Variants in SETDB1 observed in about 807,000 individuals in gnomAD.
SETDB1 encodes the protein SET domain bifurcated histone lysine methyltransferase 1, also known as histone-lysine N-methyltransferase SETDB1.
SETDB1 carries 31 observed loss-of-function variants against 137.4 expected under a neutral mutation model. The ratio of observed to expected loss-of-function variants is 0.23; its 90% confidence interval spans 0.17 to 0.30. The LOEUF (loss-of-function observed/expected upper bound fraction) is 0.30. Ranked by LOEUF, SETDB1 falls within the 10% of genes least tolerant of loss-of-function variation. SETDB1 has a pLI of 1.00. For synonymous variants in SETDB1, 548 were observed against 579.9 expected (o/e 0.95, Z 0.79); for missense variants, 1,113 against 1,631.5 (o/e 0.68, Z 5.47).
chr1:150,962,600 T>C lies in SETDB1; in HGVS notation c.3175T>C (p.Ser1059Pro). Residue 1059 changes from serine to proline, a missense_variant, in exon 18 of 22, where the codon TCT becomes CCT. By Grantham distance (74) the Ser-to-Pro change is moderately conservative (BLOSUM62 -1). Coordinates refer to ENST00000692827, the MANE Select transcript of SETDB1 (RefSeq NM_001366418.1). ...CCCTCCCATTAGAGTTACTGAAAGCTCTCGAAATTACGGTTACAATCCTTC... is the reference window on the plus strand; with the variant it reads ...CCCTCCCATTAGAGTTACTGAAAGCCCTCGAAATTACGGTTACAATCCTTC... ...RNKMSVVTES[S>P]RNYGYNPSPV... is the part of the protein sequence containing the mutation. 1 of 1,614,086 alleles carries C rather than the reference T, an allele frequency of 6.2e-7. No individual in the cohort carries two copies. Among genetic ancestry groups the C allele is most frequent in the South Asian group, 1.1e-5 (1 of 91,078 alleles).
At chr1:150,945,582 A>T (rs1670297599) in intron 9 of SETDB1, among the ~76,000 whole-genome samples, 1 of 152,178 alleles carries the variant, frequency 6.6e-6, no homozygotes, top group Admixed American at 6.5e-5. Context: ...ACATTTTTTA[A>T]TACTGCTGCT....
intron 3 of SETDB1, among the ~76,000 whole-genome samples, chr1:150,937,376 C>G (rs1669978706): frequency 1.3e-5 from 2 of 151,892 alleles, no homozygotes; most frequent in Admixed American, 6.6e-5. Context: ...TTCAGTTTTG[C>G]AAAATGAAAA....
In SETDB1 at chr1:150,950,956, T is replaced by C; in HGVS notation, c.2082T>C (p.Cys694=). The stretch of plus-strand genomic sequence containing the variant: ...GGAAGGAAGATGTTCCCCTATCCTG[T>C]GTCAATGAGATTGACACAACCCCTC... ...TYGKEDVPLS[C]VNEIDTTPPP... Residue 694 remains cysteine (C), a synonymous_variant, in exon 13 of 22, where the codon TGT becomes TGC. Coordinates refer to ENST00000692827, the MANE Select transcript of SETDB1 (RefSeq NM_001366418.1). The C allele has an allele frequency of 6.2e-7, 1 of 1,614,140 alleles. No individual in the cohort carries two copies. The highest frequency in any genetic ancestry group is 8.5e-7 in the Non-Finnish European group (1 of 1,180,020).
At chr1:150,939,251 ATTTTTTT>A (rs71580343) in intron 3 of SETDB1, among the ~76,000 whole-genome samples, 1 of 107,190 alleles carries the variant, frequency 9.3e-6, no homozygotes, top group African/African-American at 3.5e-5. Context: ...TGCACCCAGC[ATTTTTTT>A]TTTTTTTTTT....
At chr1:150,938,428 T>A (rs1432531869) in intron 3 of SETDB1, among the ~76,000 whole-genome samples, 2 of 152,026 alleles carry the variant, frequency 1.3e-5, no homozygotes, top group Non-Finnish European at 2.9e-5. Flanking sequence ...TTTGGAGTGA[T>A]GAAATTCTTC....
Position 150,960,683 on chromosome 1 carries a change from C to A in SETDB1, c.2624C>A (p.Ala875Asp). 6.2e-7 allele frequency: 1 copy of A among 1,611,764 alleles called. No homozygotes were observed. Among genetic ancestry groups the A allele is most frequent in the Non-Finnish European group, 8.5e-7 (1 of 1,179,148 alleles). ...TTCAAAGAAGGATATGAGAGTGATG[C>A]CCCCTGTTCCTCTGACAGCAGTGGT... ...ENFKEGYESD[A>D]PCSSDSSGVD... Residue 875 changes from alanine to aspartate, a missense_variant, in exon 16 of 22, where the codon GCC (alanine) becomes GAC (aspartate). Coordinates refer to ENST00000692827, the MANE Select transcript of SETDB1 (RefSeq NM_001366418.1).
At chr1:150,941,453 A>T (rs1670146126) in intron 5 of SETDB1, 25 bp downstream of exon 5, 1 of 1,375,454 alleles carries the variant, frequency 7.3e-7, no homozygotes, top group Non-Finnish European at 1.0e-6. Context: ...ATACCTGGGT[A>T]CAGATGGGAG....
At chr1:150,946,688 T>C (rs1011703139) in intron 9 of SETDB1, among the ~76,000 whole-genome samples, 198 bp from the exon 10 acceptor site, 2 of 152,302 alleles carry the variant, frequency 1.3e-5, no homozygotes, top group South Asian at 2.1e-4. Context: ...CCTCGGGTGA[T>C]CCACCTGCCT....
chr1:150,941,514 G>A (rs1055788134), intron 5 of SETDB1, 86 bp downstream of exon 5: 5 of 792,286 alleles, frequency 6.3e-6, no homozygotes, highest in Non-Finnish European at 1.1e-5. Flanking sequence ...CTAATTGTTT[G>A]TGACATGCCA....
chr1:150,928,153 G>T (rs1669599715), intron 2 of SETDB1, 179 bp downstream of exon 2: 2 of 643,510 alleles, frequency 3.1e-6, no homozygotes, highest in South Asian at 2.0e-5. Flanking sequence ...CACCTCTCGG[G>T]TTCAAGTGAT....
Position 150,959,209 on chromosome 1 carries a change from G to C in SETDB1, c.2365G>C (p.Asp789His). Residue 789 changes from aspartate to histidine, a missense_variant, in exon 15 of 22, where the codon GAC (aspartate) becomes CAC (histidine). Transcript: ENST00000692827. ...VYECNKRCKC[D>H]PNMCTNRLVQ... ...TGAGTGTAACAAACGCTGCAAATGT[G>C]ACCCAAACATGTGCACAAACCGGTT... 3.1e-6 allele frequency: 5 copies of C among 1,590,566 alleles called. No homozygotes were observed. The highest frequency in any genetic ancestry group is 2.6e-6 in the Non-Finnish European group (3 of 1,172,468).
At position 150,957,224 on chromosome 1, in the gene SETDB1, AG is replaced by A. The variant is rs201697560; in HGVS notation, c.2334-1951del. On this transcript the variant is annotated intron_variant, in intron 14 of 21. Coordinates refer to ENST00000692827, the MANE Select transcript of SETDB1 (RefSeq NM_001366418.1). The stretch of plus-strand genomic sequence containing the variant: ...CCCTGTCTCCAATACAAAAATTAGC[AG>A]GGTATGATGGCATGCACCTATAATC... Among the ~76,000 whole-genome samples the A allele has an allele frequency of 1.1e-3, 168 of 151,980 alleles. 6 individuals are homozygous for A. The East Asian group carries it at 0.019, about 17-fold the overall frequency.
chr1:150,950,889 A>T lies in SETDB1; in HGVS notation c.2015A>T (p.Gln672Leu). 1 of 1,614,152 alleles carries T rather than the reference A, an allele frequency of 6.2e-7. No individual in the cohort carries two copies. Among genetic ancestry groups the T allele is most frequent in the African/African-American group, 1.3e-5 (1 of 75,036 alleles). The change falls in exon 13 of 22, where the codon CAG becomes CTG. Residue 672 changes from glutamine to leucine, a missense_variant. Physicochemically the swap from Gln to Leu is moderately radical, Grantham distance 113. Transcript: ENST00000692827. The part of the protein sequence containing the change: ...DPYVLVDRKF[Q>L]PYKPFYYILD... Reference sequence around the variant, plus strand: ...TATGTTCTTGTGGACCGAAAGTTTCAGCCCTATAAGCCTTTTTACTATATT... The same window carrying T: ...TATGTTCTTGTGGACCGAAAGTTTCTGCCCTATAAGCCTTTTTACTATATT...
At position 150,937,522 on chromosome 1, in the gene SETDB1, G is replaced by T. The variant is rs114210962; in HGVS notation, c.413-2418G>T. On this transcript the variant is annotated intron_variant, in intron 3 of 21. Coordinates refer to ENST00000692827, the MANE Select transcript of SETDB1 (RefSeq NM_001366418.1). ...GGTCCTGGCTACTCAGGAGGTTGAG[G>T]CAGGTGGATCATTTAAACCCAGGAG... Among the ~76,000 whole-genome samples the T allele has an allele frequency of 8.3e-3, 1,267 of 152,244 alleles. 25 individuals carry two copies. The highest frequency in any genetic ancestry group is 0.029 in the African/African-American group (1,221 of 41,546).
chr1:150,930,124 G>T lies in SETDB1; in HGVS notation c.412+6G>T. On this transcript the variant is annotated splice_donor_region_variant and intron_variant, in intron 3 of 21. Coordinates refer to ENST00000692827, the MANE Select transcript of SETDB1 (RefSeq NM_001366418.1). ...TGTCCTCAGTATTGATTCAGGTAAGGGATGAGCTTTGGATAGGAGAGTCTC... is the reference window on the plus strand; with the variant it reads ...TGTCCTCAGTATTGATTCAGGTAAGTGATGAGCTTTGGATAGGAGAGTCTC... 1 of 1,611,902 alleles carries T rather than the reference G, an allele frequency of 6.2e-7. No individual in the cohort carries two copies. Among genetic ancestry groups the T allele is most frequent in the Non-Finnish European group, 8.5e-7 (1 of 1,178,708 alleles).
chr1:150,928,162 A>T, intron 2 of SETDB1, 188 bp downstream of exon 2: 1 of 605,046 alleles, frequency 1.7e-6, no homozygotes, highest in Non-Finnish European at 2.8e-6. Context: ...GGTTCAAGTG[A>T]TTCTCCCACC....
intron 3 of SETDB1, among the ~76,000 whole-genome samples, chr1:150,939,718 G>T (rs1222971731): frequency 6.6e-6 from 1 of 152,060 alleles, no homozygotes; most frequent in Non-Finnish European, 1.5e-5. Flanking sequence ...CTTCCAAGTA[G>T]CAGGGATTAC....
chr1:150,926,508 A>G lies in SETDB1; in HGVS notation c.-21A>G. 1 of 327,086 alleles carries G rather than the reference A, an allele frequency of 3.1e-6. No homozygotes were observed. The highest frequency in any genetic ancestry group is 2.2e-5 in the African/African-American group (1 of 45,512). The allele number at this position is 327,086 out of a possible 1,614,324, so 20.3% of individuals were successfully genotyped here. On this transcript the variant is annotated 5_prime_UTR_variant, in exon 1 of 22. Transcript: ENST00000692827. ...GGTGAAAAAGAGCCCTTGAAGCTGG[A>G]AGACGGGAGGTGCGGGGAATACTGT...
At chr1:150,935,677 A>G (rs1031236783) in intron 3 of SETDB1, among the ~76,000 whole-genome samples, 6 of 151,452 alleles carry the variant, frequency 4.0e-5, no homozygotes, top group Non-Finnish European at 7.4e-5. Context: ...TGCATTTTCA[A>G]CTCTGGAATT....
Sources: gnomAD v4.1 joint callset for allele counts (sites outside exome capture counted in the v4.1 genomes callset) on GRCh38, gnomAD v4.1.1 for gene constraint, MANE v1.5 for transcripts, NCBI Gene and HGNC (gene_info 2026-07-23, HGNC 2026-07-21) for gene names.